NEBL: variants seen among roughly 807,000 people sequenced by gnomAD.
NEBL encodes nebulette, also known as LIM and SH3 protein 2.
A neutral mutation model predicts 140.2 loss-of-function variants in NEBL; 122 were observed. The observed-to-expected ratio is 0.87, with a 90% CI of 0.75 to 1.01. The LOEUF is 1.01. NEBL is among the 50% of genes least tolerant of loss of function. The pLI, the probability that NEBL is intolerant of heterozygous loss-of-function variation, is 0.00. For missense variants in NEBL, 1,365 were observed against 1,231.3 expected (o/e 1.11, Z -1.62); for synonymous variants, 436 against 398.9 (o/e 1.09, Z -1.11).
Position 21,047,102 on chromosome 10 carries a change from A to G in NEBL, c.165-26901T>C, listed in dbSNP as rs117850381. 9.4e-3 allele frequency among the ~76,000 whole-genome samples: 1,433 copies of G among 152,322 alleles called. 44 individuals carry two copies. In the East Asian group the frequency reaches 0.099, roughly 11 times the overall value. ...CATGCAGACTTTCCAGATGTACTGAAAGTCAATCACTGACTTCCTGATAAT... is the reference window on the plus strand; with the variant it reads ...CATGCAGACTTTCCAGATGTACTGAGAGTCAATCACTGACTTCCTGATAAT... On this transcript the variant is annotated intron_variant, in intron 2 of 6. Transcript: ENST00000417816.
intron 2 of NEBL, chr10:21,110,656 C>T: frequency 7.2e-6 from 3 of 414,676 alleles, no homozygotes; most frequent in South Asian, 3.7e-5. Flanking sequence ...CATCTTCTCT[C>T]CTACCTAAGC....
chr10:21,162,578 A>G (rs118159357), intron 2 of NEBL, among the ~76,000 whole-genome samples: 243 of 152,310 alleles, frequency 1.6e-3, no homozygotes, highest in Non-Finnish European at 2.3e-3. Context: ...TAGTCCCTTC[A>G]AGGAGCAAAG....
chr10:20,943,522 T>C (rs1384215912), intron 4 of NEBL, among the ~76,000 whole-genome samples: 2 of 152,062 alleles, frequency 1.3e-5, no homozygotes, highest in Non-Finnish European at 2.9e-5. Context: ...CACACCAACA[T>C]GGCACATGTA....
At chr10:20,965,778 C>A (rs1036727388) in intron 3 of NEBL, among the ~76,000 whole-genome samples, 3 of 152,130 alleles carry the variant, frequency 2.0e-5, no homozygotes, top group African/African-American at 7.2e-5. Context: ...CAGCCACCTC[C>A]CCCAGTCAGC....
chr10:21,256,367 C>T (rs1350266329), intron 1 of NEBL, among the ~76,000 whole-genome samples: 2 of 152,280 alleles, frequency 1.3e-5, no homozygotes, highest in East Asian at 1.9e-4. Flanking sequence ...CACACCCAGC[C>T]TCTTTTTATT....
At chr10:21,127,433 TGGACCAGGTATACAGCTAAA>T (rs1286149481) in intron 2 of NEBL, among the ~76,000 whole-genome samples, 1 of 152,068 alleles carries the variant, frequency 6.6e-6, no homozygotes, top group East Asian at 1.9e-4. Flanking sequence ...TTATAAATGG[TGGACCAGGTATACAGCTAAA>T]TCTTCTGACC....
intron 26 of NEBL, among the ~76,000 whole-genome samples, chr10:20,808,129 A>G (rs916925772): frequency 1.3e-5 from 2 of 151,980 alleles, no homozygotes. Context: ...TGTAAGATTG[A>G]TTTTTTTCCT....
chr10:20,958,997 A>G (rs1251724826), intron 4 of NEBL, among the ~76,000 whole-genome samples: 1 of 152,234 alleles, frequency 6.6e-6, no homozygotes, highest in Non-Finnish European at 1.5e-5. Flanking sequence ...TGACATAGAC[A>G]TAAGCAATCA....
Position 21,266,014 on chromosome 10 carries a change from A to G in NEBL, n.183-14186T>C, listed in dbSNP as rs528401390. ...TCATTGGTTAAAAATTGCTTCTAGG[A>G]GCATTAATTCTTCAGCACCTCTGGC... On this transcript the variant is annotated intron_variant and non_coding_transcript_variant, in intron 1 of 8. Coordinates refer to the NEBL transcript ENST00000675702. Among the ~76,000 whole-genome samples, 4 of 152,310 alleles carry G rather than the reference A, an allele frequency of 2.6e-5. No individual in the cohort carries two copies. The East Asian group carries it at 7.7e-4, about 29-fold the overall frequency.
upstream of NEBL, chr10:20,899,321 T>G: frequency 1.8e-6 from 2 of 1,090,774 alleles, no homozygotes; most frequent in Non-Finnish European, 2.5e-6. Context: ...TGGCTCATAT[T>G]TGAGGAGACA....
At chr10:21,217,256 C>A (rs1842006898) in intron 3 of NEBL, among the ~76,000 whole-genome samples, 1 of 152,122 alleles carries the variant, frequency 6.6e-6, no homozygotes, top group South Asian at 2.1e-4. Flanking sequence ...GGAGAGGAAT[C>A]CAGAAGTTTC....
chr10:21,201,731 G>T (rs1841738836), intron 3 of NEBL, among the ~76,000 whole-genome samples: 1 of 151,570 alleles, frequency 6.6e-6, no homozygotes, highest in Admixed American at 6.6e-5. Context: ...CATCATTTTT[G>T]GTAATATTTT....
rs147333064 is a variant in NEBL at position 21,097,797 on chromosome 10, C to T, written c.164+74586G>A. Among the ~76,000 whole-genome samples the T allele has an allele frequency of 5.3e-5, 8 of 152,138 alleles. No homozygotes were observed. The South Asian group carries it at 1.0e-3, about 20-fold the overall frequency. On this transcript the variant is annotated intron_variant, in intron 2 of 6. Coordinates refer to the NEBL transcript ENST00000417816. ...AAATGATTGTCATTCCCCTGAAACACGACAGGAACCGCCCAATAAATGAAG... is the reference window on the plus strand; with the variant it reads ...AAATGATTGTCATTCCCCTGAAACATGACAGGAACCGCCCAATAAATGAAG...
intron 2 of NEBL, among the ~76,000 whole-genome samples, chr10:21,115,104 C>T (rs939169021): frequency 4.6e-5 from 7 of 151,530 alleles, no homozygotes; most frequent in African/African-American, 1.2e-4. Flanking sequence ...TTGTAATAAA[C>T]GTCTTTACAT....
chr10:21,064,307 TATA>T (rs1472836926), intron 2 of NEBL, among the ~76,000 whole-genome samples: 7 of 152,242 alleles, frequency 4.6e-5, no homozygotes, highest in Non-Finnish European at 1.0e-4. Context: ...TGAAAACTTT[TATA>T]ATGTTTTAGG....
chr10:21,278,146 A>G (rs926209743), intron 1 of NEBL, among the ~76,000 whole-genome samples: 2 of 152,222 alleles, frequency 1.3e-5, no homozygotes, highest in African/African-American at 4.8e-5. Flanking sequence ...CATGCATGCA[A>G]AGATCTGATT....
chr10:21,195,109 T>C (rs572695363), intron 3 of NEBL, among the ~76,000 whole-genome samples: 2 of 152,262 alleles, frequency 1.3e-5, no homozygotes, highest in South Asian at 4.1e-4. Context: ...TATTAACTAA[T>C]AAAATTAGAT....
chr10:21,056,872 G>C (rs1215225566), intron 2 of NEBL, among the ~76,000 whole-genome samples: 2 of 152,168 alleles, frequency 1.3e-5, no homozygotes, highest in Non-Finnish European at 2.9e-5. Flanking sequence ...AGGAGGTGTG[G>C]TCAGGGAGGG....
chr10:20,926,940 C>G (rs1449484018), intron 4 of NEBL, among the ~76,000 whole-genome samples: 1 of 152,228 alleles, frequency 6.6e-6, no homozygotes, highest in African/African-American at 2.4e-5. Context: ...AAAGGCCCCT[C>G]TCCTAAGAGA....
Sources: gnomAD v4.1 joint callset for allele counts (sites outside exome capture counted in the v4.1 genomes callset) on GRCh38, gnomAD v4.1.1 for gene constraint, MANE v1.5 for transcripts, NCBI Gene and HGNC (gene_info 2026-07-23, HGNC 2026-07-21) for gene names.